ALPK2: variants seen among roughly 807,000 people sequenced by gnomAD.
ALPK2 encodes alpha kinase 2, also known as alpha-protein kinase 2.
ALPK2 carries 127 observed loss-of-function variants against 163.1 expected under a neutral mutation model. The observed-to-expected ratio is 0.78, with a 90% CI of 0.67 to 0.90. ALPK2 has a LOEUF of 0.90. ALPK2 is among the 40% of genes least tolerant of loss of function. The probability of loss-of-function intolerance (pLI) is 0.00; values close to 1 mark genes in which losing one functional copy is unlikely to be tolerated. For synonymous variants in ALPK2, 953 were observed against 959.1 expected, an observed-to-expected ratio of 0.99 and a Z score of 0.12; for missense variants, 2,360 against 2,589.6, an observed-to-expected ratio of 0.91 and a Z score of 1.92.
At chr18:58,615,161 T>A (rs1482001235) in intron 1 of ALPK2, among the ~76,000 whole-genome samples, 1 of 152,142 alleles carries the variant, frequency 6.6e-6, no homozygotes, top group Admixed American at 6.5e-5. Context: ...AACACAATGT[T>A]TTTGGGGTTT....
intron 3 of ALPK2, chr18:58,581,080 A>G (rs2051957000): frequency 6.6e-6 from 1 of 152,310 alleles, no homozygotes; most frequent in Non-Finnish European, 1.5e-5. Context: ...AAAAAGAATA[A>G]AATGCTGAGA....
At chr18:58,581,938 C>T (rs1380818746) in intron 3 of ALPK2, among the ~76,000 whole-genome samples, 1 of 152,190 alleles carries the variant, frequency 6.6e-6, no homozygotes, top group Non-Finnish European at 1.5e-5. Context: ...GAAGGGACCC[C>T]TTGCCTCCAC....
At chr18:58,598,607 C>T (rs2052052833) in intron 3 of ALPK2, among the ~76,000 whole-genome samples, 1 of 152,186 alleles carries the variant, frequency 6.6e-6, no homozygotes, top group Non-Finnish European at 1.5e-5. Flanking sequence ...TTTCTCAGTC[C>T]TGCCCTCTCG....
chr18:58,490,655 C>T (rs1376570904), intron 12 of ALPK2, among the ~76,000 whole-genome samples: 1 of 152,162 alleles, frequency 6.6e-6, no homozygotes, highest in South Asian at 2.1e-4. Context: ...ACAAAAAGTT[C>T]CCTCTTTCTG....
intron 3 of ALPK2, among the ~76,000 whole-genome samples, chr18:58,595,581 G>T (rs1413004724): frequency 2.6e-5 from 4 of 152,158 alleles, no homozygotes; most frequent in East Asian, 1.9e-4. Flanking sequence ...GTGTTACTTT[G>T]GATGGGTCCT....
intron 4 of ALPK2, among the ~76,000 whole-genome samples, chr18:58,564,123 CTT>C (rs10689097): frequency 2.9e-5 from 3 of 102,482 alleles, no homozygotes; most frequent in Admixed American, 1.2e-4. Context: ...TGTCTTTGTT[CTT>C]TTTTTTTTTT....
intron 5 of ALPK2, among the ~76,000 whole-genome samples, chr18:58,532,723 G>A (rs2051622604): frequency 6.6e-6 from 1 of 152,186 alleles, no homozygotes; most frequent in Admixed American, 6.5e-5. Flanking sequence ...CATGAGAGCT[G>A]TGTTAGGCCA....
At chr18:58,496,401 C>A (rs2051401339) in intron 12 of ALPK2, among the ~76,000 whole-genome samples, 1 of 152,222 alleles carries the variant, frequency 6.6e-6, no homozygotes, top group African/African-American at 2.4e-5. Context: ...ACAGTTCCAA[C>A]ATAAAACTTC....
In ALPK2 at chr18:58,491,193, C is replaced by T. The variant is rs187045605; in HGVS notation, c.6296+6856G>A. 2.6e-5 allele frequency among the ~76,000 whole-genome samples: 4 copies of T among 152,350 alleles called. No individual in the cohort carries two copies. The East Asian group carries it at 7.7e-4, about 29-fold the overall frequency. ...GAACTGACTCCGTCTTGCTTCTCAC[C>T]TCCAAGCTCTCCTTGTTCTTTCCTG... is the stretch of plus-strand genomic sequence containing the variant. On this transcript the variant is annotated intron_variant, in intron 12 of 12. Coordinates refer to ENST00000361673, the MANE Select transcript of ALPK2 (RefSeq NM_052947.4).
chr18:58,487,207 G>GGGGCCCTC (rs2051343809), intron 12 of ALPK2, among the ~76,000 whole-genome samples: 1 of 151,996 alleles, frequency 6.6e-6, no homozygotes, highest in Non-Finnish European at 1.5e-5. Context: ...TGGAGCAGGG[G>GGGGCCCTC]AGGCCCTCAA....
chr18:58,591,528 G>A (rs1021847333), intron 3 of ALPK2, among the ~76,000 whole-genome samples: 1 of 152,172 alleles, frequency 6.6e-6, no homozygotes, highest in African/African-American at 2.4e-5. Context: ...AAGGATTCAG[G>A]TGTTGGGGGC....
intron 11 of ALPK2, among the ~76,000 whole-genome samples, chr18:58,500,031 T>C (rs2051423523): frequency 6.6e-6 from 1 of 152,248 alleles, no homozygotes; most frequent in Non-Finnish European, 1.5e-5. Context: ...GGATTCAGGC[T>C]GGTTAGGCAG....
At chr18:58,511,517 C>T (rs564699979) in intron 10 of ALPK2, 17 of 152,338 alleles carry the variant, frequency 1.1e-4, no homozygotes, top group African/African-American at 3.8e-4. Context: ...GGAACAATGC[C>T]CTGTACTTCT....
At chr18:58,552,346 T>A (rs143109634) in intron 4 of ALPK2, among the ~76,000 whole-genome samples, 1 of 152,334 alleles carries the variant, frequency 6.6e-6, no homozygotes, top group East Asian at 1.9e-4. Flanking sequence ...ACAGACACTG[T>A]GTTTCTTCTG....
chr18:58,564,123 C>CTTTTTGTTTTTTTTTTTTTTT (rs2051838621), intron 4 of ALPK2, among the ~76,000 whole-genome samples: 2 of 102,490 alleles, frequency 2.0e-5, no homozygotes, highest in African/African-American at 4.1e-5. Flanking sequence ...TGTCTTTGTT[C>CTTTTTGTTTTTTTTTTTTTTT]TTTTTTTTTT....
rs1296502172 is a variant in ALPK2 at position 58,569,736 on chromosome 18, TA to T, written c.1962+9077del. The stretch of plus-strand genomic sequence containing the variant: ...GAAGTGGCACAGCAGGCTTTGTGAT[TA>T]AAAAGAAAACAAATGTTTGTGTTCC... On this transcript the variant is annotated intron_variant, in intron 4 of 12. Coordinates refer to ENST00000361673, the MANE Select transcript of ALPK2 (RefSeq NM_052947.4). Among the ~76,000 whole-genome samples, 7 of 152,142 alleles carry T rather than the reference TA, an allele frequency of 4.6e-5. No individual in the cohort carries two copies. In the East Asian group the frequency reaches 1.3e-3, roughly 29 times the overall value.
At chr18:58,602,875 A>C (rs1406976196) in intron 3 of ALPK2, among the ~76,000 whole-genome samples, 1 of 152,150 alleles carries the variant, frequency 6.6e-6, no homozygotes, top group Non-Finnish European at 1.5e-5. Context: ...GGTCGTCCAC[A>C]TGGCTCATAT....
At position 58,481,534 on chromosome 18, in the gene ALPK2, CATGAT is replaced by C. The variant is rs1381973729; in HGVS notation, c.*284_*288del. ...CCATGTGCAAATACACAAATATACA[CATGAT>C]GTGAGGTTGGTAAAAATGCTAAACA... On this transcript the variant is annotated 3_prime_UTR_variant, in exon 13 of 13. Coordinates refer to ENST00000361673, the MANE Select transcript of ALPK2 (RefSeq NM_052947.4). The C allele has an allele frequency of 2.4e-5, 10 of 419,422 alleles. No individual in the cohort carries two copies. The highest frequency in any genetic ancestry group is 4.0e-5 in the Non-Finnish European group (9 of 227,482). 26.0% of individuals were successfully genotyped at this position (419,422 alleles called of 1,614,324 possible). A position where few individuals can be genotyped will look rare whatever the true frequency, so the allele number is the denominator to read the frequency against.
intron 3 of ALPK2, among the ~76,000 whole-genome samples, chr18:58,582,336 G>A (rs553202506): frequency 6.6e-6 from 1 of 152,242 alleles, no homozygotes; most frequent in East Asian, 1.9e-4. Flanking sequence ...AGAATCATCA[G>A]AGAACTCTGT....
Sources: gnomAD v4.1 joint callset for allele counts (sites outside exome capture counted in the v4.1 genomes callset) on GRCh38, gnomAD v4.1.1 for gene constraint, MANE v1.5 for transcripts, NCBI Gene and HGNC (gene_info 2026-07-23, HGNC 2026-07-21) for gene names.